WDR70: variants seen among roughly 807,000 people sequenced by gnomAD.
WDR70 encodes the protein WD repeat-containing protein 70.
Under a neutral mutation model 88.6 loss-of-function variants are expected in WDR70, and 53 were observed. That is an observed-to-expected ratio of 0.60 (90% CI 0.48 to 0.75). The LOEUF (loss-of-function observed/expected upper bound fraction) is 0.75. WDR70 is among the 30% of genes least tolerant of loss of function. WDR70 has a pLI of 0.00. For synonymous variants in WDR70, 280 were observed against 270.0 expected (o/e 1.04, Z -0.36); for missense variants, 610 against 823.2 (o/e 0.74, Z 3.17).
intron 5 of WDR70, among the ~76,000 whole-genome samples, chr5:37,416,060 C>A (rs1234465374): frequency 6.6e-6 from 1 of 151,330 alleles, no homozygotes; most frequent in Non-Finnish European, 1.5e-5. Context: ...CCTCACATCC[C>A]AGACGATGGG....
At chr5:37,426,763 A>T (rs1353378231) in intron 5 of WDR70, among the ~76,000 whole-genome samples, 1 of 151,396 alleles carries the variant, frequency 6.6e-6, no homozygotes, top group East Asian at 2.0e-4. Flanking sequence ...ATATCCACCT[A>T]AAAGTAGTTG....
At chr5:37,597,455 G>T (rs1019394950) in intron 9 of WDR70, among the ~76,000 whole-genome samples, 3 of 151,972 alleles carry the variant, frequency 2.0e-5, no homozygotes, top group Non-Finnish European at 2.9e-5. Flanking sequence ...TTATGTTAAG[G>T]ATCTTTCCAT....
intron 8 of WDR70, among the ~76,000 whole-genome samples, chr5:37,499,599 C>CTCTCTTTTTCTCTCTCTTTT (rs1462495909): frequency 2.0e-5 from 1 of 50,856 alleles, no homozygotes; most frequent in African/African-American, 4.0e-5. Flanking sequence ...CTCTCTCTCT[C>CTCTCTTTTTCTCTCTCTTTT]TCTCTCTCTC....
chr5:37,431,406 T>G (rs1006225012), intron 5 of WDR70, among the ~76,000 whole-genome samples: 2 of 152,272 alleles, frequency 1.3e-5, no homozygotes, highest in Middle Eastern at 3.4e-3. Flanking sequence ...CCATTCCCAC[T>G]GTATTATGTC....
rs550891164 is a variant in WDR70 at position 37,491,029 on chromosome 5, C to T, written c.840+11042C>T. On this transcript the variant is annotated intron_variant, in intron 8 of 17. Coordinates refer to ENST00000265107, the MANE Select transcript of WDR70 (RefSeq NM_018034.4). ...GCAGGTGCTTGGGTTTCCAGGTGTG[C>T]GTGGAACCTATTGTGAGCTTCCTCT... 1.4e-4 allele frequency among the ~76,000 whole-genome samples: 21 copies of T among 152,158 alleles called. No homozygotes were observed. In the Middle Eastern group the frequency reaches 0.017, roughly 123 times the overall value.
chr5:37,728,439 T>A (rs556568245), intron 17 of WDR70, among the ~76,000 whole-genome samples: 2 of 152,216 alleles, frequency 1.3e-5, no homozygotes, highest in South Asian at 4.1e-4. Flanking sequence ...CTTTCTCTGT[T>A]CCAGGATCCC....
intron 17 of WDR70, among the ~76,000 whole-genome samples, chr5:37,746,228 T>C (rs1472366441): frequency 6.6e-6 from 1 of 152,114 alleles, no homozygotes. Flanking sequence ...TTGAAACCAA[T>C]GAGAACAAAG....
In WDR70 at chr5:37,476,898, G is replaced by A. The variant is rs538291844; in HGVS notation, c.687-2936G>A. On this transcript the variant is annotated intron_variant, in intron 7 of 17. Transcript: ENST00000265107. Reference sequence around the variant, plus strand: ...GTCACATAGGCTGGAGTGTAGTGACGCGATCATAGCTCATTGCATAGCTGG... The same window carrying A: ...GTCACATAGGCTGGAGTGTAGTGACACGATCATAGCTCATTGCATAGCTGG... Among the ~76,000 whole-genome samples the A allele has an allele frequency of 8.5e-5, 13 of 152,234 alleles. No homozygotes were observed. In the East Asian group the frequency reaches 1.9e-3, roughly 23 times the overall value.
chr5:37,457,772 C>G (rs146527549), intron 7 of WDR70, among the ~76,000 whole-genome samples: 1 of 152,244 alleles, frequency 6.6e-6, no homozygotes, highest in Non-Finnish European at 1.5e-5. Context: ...TGACCAGTGG[C>G]TGAACTCTAG....
At chr5:37,493,115 A>G (rs933741998) in intron 8 of WDR70, among the ~76,000 whole-genome samples, 5 of 152,208 alleles carry the variant, frequency 3.3e-5, no homozygotes, top group Non-Finnish European at 5.9e-5. Flanking sequence ...ATTACTTAAT[A>G]TGTTTGTTTT....
intron 10 of WDR70, among the ~76,000 whole-genome samples, chr5:37,627,839 A>G (rs566629089): frequency 1.4e-4 from 21 of 152,318 alleles, no homozygotes; most frequent in African/African-American, 5.0e-4. Context: ...GTGCCCTAAC[A>G]TATGGTCAGT....
chr5:37,648,971 A>G (rs10054979), intron 10 of WDR70, among the ~76,000 whole-genome samples: 5,499 of 152,268 alleles, frequency 0.036, 331 homozygotes, highest in African/African-American at 0.13. Flanking sequence ...TGATCTTTAG[A>G]AATTGTTTAG....
intron 9 of WDR70, among the ~76,000 whole-genome samples, chr5:37,594,641 G>C (rs1084336): frequency 0.76 from 116,129 of 151,912 alleles, 44,843 homozygotes; most frequent in African/African-American, 0.87. Context: ...TTTTTTGGTT[G>C]CATATAAACT....
intron 9 of WDR70, among the ~76,000 whole-genome samples, chr5:37,594,367 G>A (rs371352547): frequency 4.6e-5 from 7 of 152,142 alleles, no homozygotes; most frequent in East Asian, 3.8e-4. Context: ...CATATGGCTA[G>A]CCAGTTTTCC....
chr5:37,513,276 C>G (rs1740777084), intron 8 of WDR70, among the ~76,000 whole-genome samples: 1 of 152,114 alleles, frequency 6.6e-6, no homozygotes, highest in Admixed American at 6.5e-5. Flanking sequence ...CCAGGGAATA[C>G]TTATTTGAGC....
chr5:37,662,938 G>C, intron 10 of WDR70, among the ~76,000 whole-genome samples: 1 of 152,128 alleles, frequency 6.6e-6, no homozygotes, highest in East Asian at 1.9e-4. Flanking sequence ...CTGAGACTAT[G>C]AATTACAGTG....
At chr5:37,654,059 C>T (rs549211786) in intron 10 of WDR70, among the ~76,000 whole-genome samples, 3 of 152,078 alleles carry the variant, frequency 2.0e-5, no homozygotes. Context: ...TAGATGTTTC[C>T]CGCTTTCTCT....
At chr5:37,659,425 C>A (rs1745641280) in intron 10 of WDR70, among the ~76,000 whole-genome samples, 1 of 151,084 alleles carries the variant, frequency 6.6e-6, no homozygotes, top group Non-Finnish European at 1.5e-5. Flanking sequence ...TTTTTTATTT[C>A]TACTGTTTGT....
At chr5:37,528,426 C>G (rs1741370315) in intron 9 of WDR70, among the ~76,000 whole-genome samples, 1 of 151,852 alleles carries the variant, frequency 6.6e-6, no homozygotes, top group South Asian at 2.1e-4. Context: ...GGCAACTGAA[C>G]AATGAGAACC....
Sources: gnomAD v4.1 joint callset for allele counts (sites outside exome capture counted in the v4.1 genomes callset) on GRCh38, gnomAD v4.1.1 for gene constraint, MANE v1.5 for transcripts, NCBI Gene and HGNC (gene_info 2026-07-23, HGNC 2026-07-21) for gene names.